Variants in EPHA6 observed in about 807,000 individuals in gnomAD.
The protein encoded by EPHA6 is ephrin type-A receptor 6.
Under a neutral mutation model 112.0 loss-of-function variants are expected in EPHA6, and 50 were observed. The observed-to-expected ratio is 0.45, with a 90% CI of 0.36 to 0.56. The LOEUF is 0.56. Among genes scored for constraint, EPHA6 ranks in the 20% least tolerant of loss-of-function variants. EPHA6 has a pLI of 0.00. For missense variants in EPHA6, 1,280 were observed against 1,417.4 expected, an observed-to-expected ratio of 0.90 and a Z score of 1.56; for synonymous variants, 529 against 490.7, an observed-to-expected ratio of 1.08 and a Z score of -1.03.
intron 15 of EPHA6, among the ~76,000 whole-genome samples, chr3:97,722,449 G>C (rs1207711744): frequency 6.6e-6 from 1 of 152,128 alleles, no homozygotes. Flanking sequence ...TCTCATAGTG[G>C]TGACTTATTA....
At chr3:97,080,717 A>G (rs1412636389) in intron 3 of EPHA6, among the ~76,000 whole-genome samples, 1 of 152,068 alleles carries the variant, frequency 6.6e-6, no homozygotes, top group Non-Finnish European at 1.5e-5. Context: ...TGACACATAC[A>G]ATGTTTCATA....
At chr3:97,577,530 G>A (rs2093398071) in intron 11 of EPHA6, among the ~76,000 whole-genome samples, 1 of 151,952 alleles carries the variant, frequency 6.6e-6, no homozygotes, top group Non-Finnish European at 1.5e-5. Context: ...CCTGTCTTGA[G>A]AGAGCTCACA....
chr3:97,334,165 A>G (rs2082941077), intron 5 of EPHA6, among the ~76,000 whole-genome samples: 1 of 152,140 alleles, frequency 6.6e-6, no homozygotes, highest in Non-Finnish European at 1.5e-5. Flanking sequence ...TGGTCGTAGT[A>G]TATAACTTTG....
chr3:97,645,631 G>A lies in EPHA6; in HGVS notation c.2784+7549G>A, dbSNP rs564631847. ...GTATACATATGTAACTAACCTGCAC[G>A]TTGTGCACATGTACCCTAAAACTTA... is the stretch of plus-strand genomic sequence containing the variant. On this transcript the variant is annotated intron_variant, in intron 14 of 17. Transcript: ENST00000389672. Among the ~76,000 whole-genome samples, 543 of 151,582 alleles carry A rather than the reference G, an allele frequency of 3.6e-3. 3 individuals carry two copies. Among genetic ancestry groups the A allele is most frequent in the Non-Finnish European group, 5.6e-3 (381 of 67,918 alleles).
chr3:97,216,998 A>G (rs543126404), intron 3 of EPHA6, among the ~76,000 whole-genome samples: 15 of 152,304 alleles, frequency 9.8e-5, no homozygotes, highest in African/African-American at 3.4e-4. Context: ...GTGGAAAAAA[A>G]CATATTTAAG....
chr3:97,263,551 A>G (rs2079570968), intron 5 of EPHA6, among the ~76,000 whole-genome samples: 1 of 151,610 alleles, frequency 6.6e-6, no homozygotes, highest in Admixed American at 6.6e-5. Context: ...ATAAAAATAT[A>G]TAATAATATA....
rs547951287 is a variant in EPHA6 at position 97,748,616 on chromosome 3, T to C, written c.3308T>C (p.Ile1103Thr). Residue 1103 changes from isoleucine to threonine, a missense_variant, in exon 18 of 18, where the codon ATT (isoleucine) becomes ACT (threonine). Physicochemically the swap from Ile to Thr is moderately conservative, Grantham distance 89. Around this residue, in one of 4 missense-constraint regions of EPHA6, gnomAD observed 145 missense variants for 153.3 expected, o/e 0.95. Transcript: ENST00000389672. ...ATTAGAAGAATTGGAGTCATACTTA[T>C]TGGACACCAGAGACGAATAGTCAGC... ...DDIRRIGVIL[I>T]GHQRRIVSSI... 18 of 1,610,762 alleles carry C rather than the reference T, an allele frequency of 1.1e-5. No individual in the cohort carries two copies. The African/African-American group carries it at 1.5e-4, about 13-fold the overall frequency.
chr3:97,154,799 T>C (rs144067436), intron 3 of EPHA6, among the ~76,000 whole-genome samples: 5 of 152,314 alleles, frequency 3.3e-5, no homozygotes, highest in African/African-American at 9.6e-5. Flanking sequence ...TTGTGCCCTC[T>C]AGACTGTCTG....
intron 1 of EPHA6, among the ~76,000 whole-genome samples, chr3:96,848,986 A>G (rs2035237461): frequency 1.3e-5 from 2 of 152,094 alleles, no homozygotes; most frequent in African/African-American, 4.8e-5. Flanking sequence ...CTTTTTTTCC[A>G]GTACAATTTG....
At chr3:96,940,300 A>G (rs1022785970) in intron 2 of EPHA6, among the ~76,000 whole-genome samples, 2 of 152,190 alleles carry the variant, frequency 1.3e-5, no homozygotes, top group African/African-American at 4.8e-5. Flanking sequence ...TTGGGTGCAT[A>G]TATATTTAAG....
chr3:97,595,328 G>C (rs1388332742), intron 12 of EPHA6, among the ~76,000 whole-genome samples: 2 of 152,178 alleles, frequency 1.3e-5, no homozygotes, highest in African/African-American at 4.8e-5. Context: ...ATGCATTTGT[G>C]TAGTAGTCAC....
chr3:96,909,611 C>T (rs928450207), intron 2 of EPHA6, among the ~76,000 whole-genome samples: 12 of 151,878 alleles, frequency 7.9e-5, no homozygotes, highest in African/African-American at 2.7e-4. Flanking sequence ...CTCAACTGAT[C>T]ATTACACTGT....
intron 14 of EPHA6, among the ~76,000 whole-genome samples, chr3:97,714,246 A>G (rs1576338281): frequency 1.3e-5 from 2 of 152,234 alleles, no homozygotes; most frequent in East Asian, 3.9e-4. Context: ...CTGAGTGTAC[A>G]CTGGGTGCTG....
At chr3:97,161,565 G>C (rs1241151934) in intron 3 of EPHA6, among the ~76,000 whole-genome samples, 4 of 152,148 alleles carry the variant, frequency 2.6e-5, no homozygotes, top group Non-Finnish European at 5.9e-5. Flanking sequence ...CACAAATGAG[G>C]AGTATGTTGT....
At position 97,564,717 on chromosome 3, in the gene EPHA6, C is replaced by T. The variant is rs569173393; in HGVS notation, c.2387-27895C>T. ...AAAGAAAAGAAGATGTGAATTGCAACATTTTGTTGGGTTTGATACATATGG... is the reference window on the plus strand; with the variant it reads ...AAAGAAAAGAAGATGTGAATTGCAATATTTTGTTGGGTTTGATACATATGG... On this transcript the variant is annotated intron_variant, in intron 11 of 17. Coordinates refer to ENST00000389672, the MANE Select transcript of EPHA6 (RefSeq NM_001080448.3). Among the ~76,000 whole-genome samples the T allele has an allele frequency of 1.3e-4, 20 of 152,050 alleles. No homozygotes were observed. In the South Asian group the frequency reaches 3.9e-3, roughly 30 times the overall value.
intron 2 of EPHA6, among the ~76,000 whole-genome samples, chr3:96,978,921 A>G (rs2042638910): frequency 6.6e-6 from 1 of 152,200 alleles, no homozygotes; most frequent in Non-Finnish European, 1.5e-5. Context: ...TTCATAAATG[A>G]TATTTTCAAA....
chr3:97,363,649 C>G (rs1396499975), intron 5 of EPHA6, among the ~76,000 whole-genome samples: 2 of 151,892 alleles, frequency 1.3e-5, no homozygotes, highest in African/African-American at 2.4e-5. Flanking sequence ...AATTCCACTT[C>G]TAGATATATA....
chr3:96,946,274 G>T (rs1456633040), intron 2 of EPHA6, among the ~76,000 whole-genome samples: 1 of 151,924 alleles, frequency 6.6e-6, no homozygotes, highest in Non-Finnish European at 1.5e-5. Flanking sequence ...GCTGCACCGA[G>T]TAACTCGTCA....
chr3:97,003,211 G>T (rs2043737097), intron 3 of EPHA6, among the ~76,000 whole-genome samples: 1 of 152,132 alleles, frequency 6.6e-6, no homozygotes, highest in Non-Finnish European at 1.5e-5. Context: ...GGGTTCAAGA[G>T]ATTCTGCTGC....
Sources: allele counts gnomAD v4.1 joint callset (sites outside exome capture counted in the v4.1 genomes callset), GRCh38; gene constraint gnomAD v4.1.1; regional missense constraint gnomAD v4.1.1; transcripts MANE v1.5; gene names NCBI Gene and HGNC (gene_info 2026-07-23, HGNC 2026-07-21).